GPD1L: variants seen among roughly 807,000 people sequenced by gnomAD.
GPD1L encodes glycerol-3-phosphate dehydrogenase 1-like protein.
In GPD1L, 17 loss-of-function variants were observed where a neutral mutation model predicts 32.9. That is an observed-to-expected ratio of 0.52 (90% confidence interval 0.35 to 0.78). The LOEUF is 0.78. Among genes scored for constraint, GPD1L ranks in the 30% least tolerant of loss-of-function variants. GPD1L has a pLI of 0.01. For synonymous variants in GPD1L, 187 were observed against 165.9 expected, an observed-to-expected ratio of 1.13 and a Z score of -0.98; for missense variants, 361 against 447.8, an observed-to-expected ratio of 0.81 and a Z score of 1.75.
chr3:32,158,867 C>A lies in GPD1L; in HGVS notation c.619-9C>A, dbSNP rs2044880. On this transcript the variant is annotated splice_polypyrimidine_tract_variant and intron_variant, in intron 5 of 7. Transcript: ENST00000282541. ...TAACGGCATCTGGGCTTTGTCATCT[C>A]CTTTGCAGAACATCGTAGCTGTGGG... The A allele has an allele frequency of 4.3e-5, 69 of 1,613,396 alleles. No individual in the cohort carries two copies. The highest frequency in any genetic ancestry group is 5.6e-5 in the Non-Finnish European group (66 of 1,179,760).
Position 32,159,106 on chromosome 3 carries a change from G to A in GPD1L, c.849G>A (p.Gly283=). 3 of 1,612,396 alleles carry A rather than the reference G, an allele frequency of 1.9e-6. No individual in the cohort carries two copies. Among genetic ancestry groups the A allele is most frequent in the Non-Finnish European group, 2.5e-6 (3 of 1,178,904 alleles). Residue 283 remains glycine, a synonymous_variant, in exon 6 of 8, where the codon GGG becomes GGA. Transcript: ENST00000282541. ...TGGCCGAGGCCTTCGCCAGAACTGG[G>A]AAGGTAGCCCCTCACCTGCTCTCCC... ...RRVAEAFART[G]KTIEELEKEM...
In GPD1L at chr3:32,115,758, C is replaced by CTTTTTTTTTTTTTTT. The variant is rs539068850; in HGVS notation, c.47+9034_47+9048dup. ...CTAAACCCTTTTCGTGTACGTTGAA[C>CTTTTTTTTTTTTTTT]TTTTTTTTTTTTTTTTTTTTTTTTT... On this transcript the variant is annotated intron_variant, in intron 1 of 7. Coordinates refer to ENST00000282541, the MANE Select transcript of GPD1L (RefSeq NM_015141.4). Among the ~76,000 whole-genome samples, 50 of 45,086 alleles carry CTTTTTTTTTTTTTTT rather than the reference C, an allele frequency of 1.1e-3. 20 individuals are homozygous for CTTTTTTTTTTTTTTT. The highest frequency in any genetic ancestry group is 2.2e-3 in the Non-Finnish European group (45 of 20,538). The allele number at this position is 45,086 out of a possible 152,430, so 29.6% of individuals were successfully genotyped here.
At position 32,167,204 on chromosome 3, in the gene GPD1L, T is replaced by G. The variant is rs1333475631; in HGVS notation, c.*1294T>G. On this transcript the variant is annotated 3_prime_UTR_variant, in exon 8 of 8. Coordinates refer to ENST00000282541, the MANE Select transcript of GPD1L (RefSeq NM_015141.4). Reference sequence around the variant, plus strand: ...TTATTCCAGGTGTTCCCTGGAAAGGTCAAGTGAGTCTGGGAAACACTATGT... The same window carrying G: ...TTATTCCAGGTGTTCCCTGGAAAGGGCAAGTGAGTCTGGGAAACACTATGT... The G allele has an allele frequency of 6.6e-6, 1 of 152,170 alleles. No individual in the cohort carries two copies. Among genetic ancestry groups the G allele is most frequent in the Non-Finnish European group, 1.5e-5 (1 of 68,042 alleles). 9.4% of individuals were successfully genotyped at this position (152,170 alleles called of 1,614,324 possible). A position where few individuals can be genotyped will look rare whatever the true frequency, so the allele number is the denominator to read the frequency against.
chr3:32,130,555 T>C (rs1321230757), intron 2 of GPD1L, among the ~76,000 whole-genome samples: 3 of 152,182 alleles, frequency 2.0e-5, no homozygotes, highest in South Asian at 4.1e-4. Context: ...ACTCATCATG[T>C]GGCCCCTCCC....
intron 4 of GPD1L, 110 bp downstream of exon 4, chr3:32,140,476 C>T: frequency 7.7e-7 from 1 of 1,306,666 alleles, no homozygotes; most frequent in South Asian, 1.2e-5. Flanking sequence ...TCCCTCTTAA[C>T]ATTCCTTAGT....
rs1428146378 is a variant in GPD1L, at chr3:32,157,282, C to T, written c.619-1594C>T. ...TTTTTTTGAGACAGAGTCTCGCTCT[C>T]GCCCAGGCTGGAGTGCAGTGGTGCG... On this transcript the variant is annotated intron_variant, in intron 5 of 7. Transcript: ENST00000282541. Among the ~76,000 whole-genome samples the T allele has an allele frequency of 1.2e-4, 18 of 151,466 alleles. 1 individual carries two copies. The highest frequency in any genetic ancestry group is 7.9e-4 in the Admixed American group (12 of 15,234).
chr3:32,136,241 G>C (rs1188103310), intron 2 of GPD1L, among the ~76,000 whole-genome samples: 1 of 152,188 alleles, frequency 6.6e-6, no homozygotes, highest in African/African-American at 2.4e-5. Context: ...CATGGTTGCA[G>C]TAGTTCCAGA....
chr3:32,158,765 T>C (rs1701032239), intron 5 of GPD1L, 111 bp from the exon 6 acceptor site: 2 of 1,542,466 alleles, frequency 1.3e-6, no homozygotes, highest in Admixed American at 2.0e-5. Context: ...ATTTTGAAGA[T>C]GGAGCCAATG....
At chr3:32,114,075 G>C (rs563123173) in intron 1 of GPD1L, among the ~76,000 whole-genome samples, 1 of 152,258 alleles carries the variant, frequency 6.6e-6, no homozygotes, top group South Asian at 2.1e-4. Flanking sequence ...AGCTGATTTC[G>C]AACACCTGGG....
At chr3:32,146,855 A>G (rs763292250) in intron 5 of GPD1L, 121 bp downstream of exon 5, 73 of 755,012 alleles carry the variant, frequency 9.7e-5, no homozygotes, top group East Asian at 8.6e-4. Flanking sequence ...TAGTGAATTG[A>G]GAGTCTTGTT....
intron 1 of GPD1L, among the ~76,000 whole-genome samples, chr3:32,107,646 C>T (rs1428043944): frequency 6.6e-6 from 1 of 152,100 alleles, no homozygotes; most frequent in Non-Finnish European, 1.5e-5. Flanking sequence ...CTTCTGTTTA[C>T]CGGTTTTTCT....
chr3:32,127,964 G>A, intron 1 of GPD1L, 112 bp from the exon 2 acceptor site: 1 of 784,840 alleles, frequency 1.3e-6, no homozygotes, highest in South Asian at 1.5e-5. Context: ...TCTTGAGTAG[G>A]CTCAGTGTTT....
intron 3 of GPD1L, among the ~76,000 whole-genome samples, chr3:32,138,933 TAGC>T (rs1212457882): frequency 6.6e-6 from 1 of 152,064 alleles, no homozygotes; most frequent in Non-Finnish European, 1.5e-5. Flanking sequence ...TGCAGCAGAC[TAGC>T]AGCAGCAGTG....
At chr3:32,165,065 G>A (rs1317030866) in intron 7 of GPD1L, among the ~76,000 whole-genome samples, 7 of 152,142 alleles carry the variant, frequency 4.6e-5, no homozygotes, top group East Asian at 1.9e-4. Flanking sequence ...TTAGCCAGGC[G>A]TGGTGGCACA....
At chr3:32,121,319 C>T (rs1444379850) in intron 1 of GPD1L, among the ~76,000 whole-genome samples, 3 of 151,606 alleles carry the variant, frequency 2.0e-5, no homozygotes, top group Non-Finnish European at 4.4e-5. Flanking sequence ...TATTGTTGGC[C>T]ATGCCACCTG....
chr3:32,120,766 C>T (rs1395968043), intron 1 of GPD1L, among the ~76,000 whole-genome samples: 1 of 152,190 alleles, frequency 6.6e-6, no homozygotes, highest in Non-Finnish European at 1.5e-5. Flanking sequence ...TAACTTCCCC[C>T]TTGGCATAAT....
rs1700725470 is a variant in GPD1L, at chr3:32,140,344, G to A, written c.483G>A (p.Glu161=). The change falls in exon 4 of 8, where the codon GAG becomes GAA. Residue 161 remains glutamate, a synonymous_variant. Transcript: ENST00000282541. The part of the protein sequence containing the change: ...GANIANEVAA[E]KFCETTIGSK... ...ACATTGCCAATGAGGTGGCTGCAGA[G>A]AAGTTCTGTGAGACCACCATCGGTA... 4 of 1,614,038 alleles carry A rather than the reference G, an allele frequency of 2.5e-6. No individual in the cohort carries two copies. The highest frequency in any genetic ancestry group is 2.7e-5 in the African/African-American group (2 of 74,916).
rs985724640 is a variant in GPD1L at position 32,106,857 on chromosome 3, G to A, written c.47+99G>A. On this transcript the variant is annotated intron_variant, in intron 1 of 7. Transcript: ENST00000282541. The surrounding 1 kb of genome is among the most constrained non-coding windows in gnomAD (Gnocchi z 4.0). Reference sequence around the variant, plus strand: ...CCCCATGCTGCGGCGTGGGCACCGGGCACTGCGCGCAGGGAGGCGGGGTGG... The same window carrying A: ...CCCCATGCTGCGGCGTGGGCACCGGACACTGCGCGCAGGGAGGCGGGGTGG... 1.5e-5 allele frequency: 17 copies of A among 1,168,884 alleles called. No individual in the cohort carries two copies. The highest frequency in any genetic ancestry group is 1.9e-5 in the Non-Finnish European group (17 of 879,106). The allele number at this position is 1,168,884 out of a possible 1,614,324, so 72.4% of individuals were successfully genotyped here. A position where few individuals can be genotyped will look rare whatever the true frequency, so the allele number is the denominator to read the frequency against.
At chr3:32,126,486 T>C (rs1474167829) in intron 1 of GPD1L, among the ~76,000 whole-genome samples, 1 of 152,232 alleles carries the variant, frequency 6.6e-6, no homozygotes, top group African/African-American at 2.4e-5. Context: ...AGTTACTTGA[T>C]GCCAGGGAAC....
Sources: allele counts gnomAD v4.1 joint callset (sites outside exome capture counted in the v4.1 genomes callset), GRCh38; gene constraint gnomAD v4.1.1; non-coding constraint Gnocchi (gnomAD v3.1); transcripts MANE v1.5; gene names NCBI Gene and HGNC (gene_info 2026-07-23, HGNC 2026-07-21).